Variants in FOCAD observed in about 807,000 individuals in gnomAD.
FOCAD encodes the protein focadhesin.
A neutral mutation model predicts 225.6 loss-of-function variants in FOCAD; 198 were observed. That is an observed-to-expected ratio of 0.88 (90% CI 0.78 to 0.99). The LOEUF (loss-of-function observed/expected upper bound fraction) is 0.99. FOCAD is among the 50% of genes least tolerant of loss of function. FOCAD has a pLI of 0.00. For missense variants in FOCAD, 2,713 were observed against 2,123.6 expected, an observed-to-expected ratio of 1.28 and a Z score of -5.46; for synonymous variants, 897 against 755.0, an observed-to-expected ratio of 1.19 and a Z score of -3.08.
chr9:20,784,329 T>C (rs1441053418), intron 10 of FOCAD, among the ~76,000 whole-genome samples: 1 of 152,194 alleles, frequency 6.6e-6, no homozygotes, highest in Non-Finnish European at 1.5e-5. Flanking sequence ...CTATGCTCTC[T>C]ATTGACAAGG....
intron 35 of FOCAD, among the ~76,000 whole-genome samples, chr9:20,966,878 G>C (rs1839309373): frequency 6.6e-6 from 1 of 151,914 alleles, no homozygotes; most frequent in African/African-American, 2.4e-5. Context: ...CTATGCACTG[G>C]TCTATATGTC....
chr9:20,727,685 C>G (rs1826321353), intron 4 of FOCAD, among the ~76,000 whole-genome samples: 1 of 152,018 alleles, frequency 6.6e-6, no homozygotes, highest in Non-Finnish European at 1.5e-5. Context: ...GATTATTTTT[C>G]TAGTGTTTAT....
At chr9:20,671,462 C>T (rs549457203) in intron 2 of FOCAD, among the ~76,000 whole-genome samples, 1 of 147,244 alleles carries the variant, frequency 6.8e-6, no homozygotes, top group East Asian at 1.9e-4. Flanking sequence ...AAGTGGAATG[C>T]AGGAGGATTT....
chr9:20,948,914 G>C lies in FOCAD; in HGVS notation c.3862G>C (p.Gly1288Arg), dbSNP rs142840404. 3.1e-6 allele frequency: 5 copies of C among 1,613,372 alleles called. No homozygotes were observed. The Admixed American group carries it at 5.0e-5, about 16-fold the overall frequency. Residue 1288 changes from glycine (G) to arginine (R), a missense_variant, in exon 32 of 44, where the codon GGG becomes CGG. Coordinates refer to ENST00000338382, the MANE Select transcript of FOCAD (RefSeq NM_001375567.1). ...HGMVALVGSE[G>R]DVMQLKSEAI... ...CATGGTGGCCTTGGTAGGCTCTGAA[G>C]GGGATGTAATGCAGGTAAAGAAAGG...
At chr9:20,982,510 A>G in intron 39 of FOCAD, 64 bp downstream of exon 39, 1 of 1,329,408 alleles carries the variant, frequency 7.5e-7, no homozygotes, top group Non-Finnish European at 1.1e-6. Flanking sequence ...TGAATAATTG[A>G]TTTCAGTGTT....
chr9:20,956,689 G>T (rs1838163543), intron 35 of FOCAD, among the ~76,000 whole-genome samples: 1 of 152,068 alleles, frequency 6.6e-6, no homozygotes, highest in Non-Finnish European at 1.5e-5. Flanking sequence ...TGTTTTTGGT[G>T]TGTTTGATTC....
At chr9:20,813,020 C>T (rs921379841) in intron 11 of FOCAD, among the ~76,000 whole-genome samples, 5 of 151,900 alleles carry the variant, frequency 3.3e-5, no homozygotes, top group Non-Finnish European at 5.9e-5. Flanking sequence ...CAGTAGCTCC[C>T]CACTTCTCCC....
intron 35 of FOCAD, among the ~76,000 whole-genome samples, chr9:20,965,563 T>G (rs756831242): frequency 2.6e-5 from 4 of 152,332 alleles, no homozygotes; most frequent in East Asian, 1.9e-4. Context: ...CATGCCATTT[T>G]AACCATTTGA....
chr9:20,796,889 C>T (rs1257683968), intron 11 of FOCAD, among the ~76,000 whole-genome samples: 1 of 151,624 alleles, frequency 6.6e-6, no homozygotes. Context: ...AAGTCCTTGC[C>T]CATACCTATG....
chr9:20,934,858 CT>C (rs146093880), intron 28 of FOCAD, among the ~76,000 whole-genome samples: 1 of 151,350 alleles, frequency 6.6e-6, no homozygotes, highest in African/African-American at 2.4e-5. Context: ...AACCCCACCC[CT>C]TTTTTTTACA....
At chr9:20,782,037 C>T (rs569009976) in intron 10 of FOCAD, 108 bp downstream of exon 10, 2 of 914,710 alleles carry the variant, frequency 2.2e-6, no homozygotes, top group Admixed American at 2.0e-5. Flanking sequence ...TCAGACTTCA[C>T]CATTCAGTCA....
Position 20,981,488 on chromosome 9 carries a change from A to G in FOCAD, c.4440A>G (p.Glu1480=), listed in dbSNP as rs1471299423. Residue 1480 remains glutamate (E), a synonymous_variant, in exon 38 of 44, where the codon GAA becomes GAG. Coordinates refer to ENST00000338382, the MANE Select transcript of FOCAD (RefSeq NM_001375567.1). ...APLWIKHISD[E]QILGFVENLM... is the part of the protein sequence containing the mutation. ...TGTGGATAAAACACATCTCTGATGAACAGATCCTGGGTTTTGTTGAAAATT... is the reference window on the plus strand; with the variant it reads ...TGTGGATAAAACACATCTCTGATGAGCAGATCCTGGGTTTTGTTGAAAATT... 4 of 1,614,036 alleles carry G rather than the reference A, an allele frequency of 2.5e-6. No individual in the cohort carries two copies. The East Asian group carries it at 8.9e-5, about 36-fold the overall frequency.
Position 20,969,403 on chromosome 9 carries a change from T to C in FOCAD, c.4133-7017T>C, listed in dbSNP as rs562807386. Among the ~76,000 whole-genome samples the C allele has an allele frequency of 3.3e-5, 5 of 152,276 alleles. No homozygotes were observed. In the East Asian group the frequency reaches 9.6e-4, roughly 29 times the overall value. ...GCCTCCAACCGTTACTGTAGAGCTATCTATTTCTCCTTTCAATTCTGTCAG... is the reference window on the plus strand; with the variant it reads ...GCCTCCAACCGTTACTGTAGAGCTACCTATTTCTCCTTTCAATTCTGTCAG... On this transcript the variant is annotated intron_variant, in intron 35 of 43. Coordinates refer to ENST00000338382, the MANE Select transcript of FOCAD (RefSeq NM_001375567.1).
chr9:20,802,849 T>G (rs1415950907), intron 11 of FOCAD, among the ~76,000 whole-genome samples: 1 of 152,170 alleles, frequency 6.6e-6, no homozygotes, highest in Non-Finnish European at 1.5e-5. Flanking sequence ...ACAATGAATG[T>G]GGTGATTTCA....
chr9:20,689,032 C>T (rs1822823094), intron 1 of FOCAD, among the ~76,000 whole-genome samples: 1 of 152,128 alleles, frequency 6.6e-6, no homozygotes, highest in African/African-American at 2.4e-5. Context: ...GAAGTTTAGA[C>T]TGGATAGGGA....
At chr9:20,690,720 C>CTATT (rs1353876936) in intron 1 of FOCAD, among the ~76,000 whole-genome samples, 1 of 151,742 alleles carries the variant, frequency 6.6e-6, no homozygotes, top group Non-Finnish European at 1.5e-5. Flanking sequence ...GCTAATTTTT[C>CTATT]TATTTCTTGT....
chr9:20,844,079 C>G (rs1306961768), intron 15 of FOCAD, among the ~76,000 whole-genome samples: 1 of 152,076 alleles, frequency 6.6e-6, no homozygotes, highest in African/African-American at 2.4e-5. Flanking sequence ...CCAAAAAGCC[C>G]ATTTCTAGGA....
At chr9:20,880,943 A>G (rs1830617621) in intron 19 of FOCAD, among the ~76,000 whole-genome samples, 1 of 152,196 alleles carries the variant, frequency 6.6e-6, no homozygotes, top group South Asian at 2.1e-4. Flanking sequence ...ATATGAACCT[A>G]TAGTCTTATC....
intron 17 of FOCAD, among the ~76,000 whole-genome samples, chr9:20,866,556 A>C (rs1343108210): frequency 2.0e-5 from 3 of 152,004 alleles, no homozygotes; most frequent in Non-Finnish European, 4.4e-5. Context: ...TTAATGTTCA[A>C]ACTAGGATAA....
Sources: gnomAD v4.1 joint callset for allele counts (sites outside exome capture counted in the v4.1 genomes callset) on GRCh38, gnomAD v4.1.1 for gene constraint, MANE v1.5 for transcripts, NCBI Gene and HGNC (gene_info 2026-07-23, HGNC 2026-07-21) for gene names.